The following MAN1A2 variants were observed in gnomAD, a reference collection of about 807,000 sequenced individuals.
MAN1A2 encodes mannosyl-oligosaccharide 1,2-alpha-mannosidase IB.
Under a neutral mutation model 75.7 loss-of-function variants are expected in MAN1A2, and 26 were observed. That is an observed-to-expected ratio of 0.34 (90% CI 0.25 to 0.48). MAN1A2 has a LOEUF of 0.48. Ranked by LOEUF, MAN1A2 falls within the 20% of genes least tolerant of loss-of-function variation. The pLI, the probability that MAN1A2 is intolerant of heterozygous loss-of-function variation, is 0.99. For missense variants in MAN1A2, 562 were observed against 775.5 expected (o/e 0.72, Z 3.27); for synonymous variants, 247 against 264.6 (o/e 0.93, Z 0.65).
chr1:117,482,004 A>G (rs1650513138), intron 8 of MAN1A2, among the ~76,000 whole-genome samples: 1 of 151,870 alleles, frequency 6.6e-6, no homozygotes, highest in Admixed American at 6.6e-5. Flanking sequence ...TGACATCCAA[A>G]TCAGCAATTA....
In MAN1A2 at chr1:117,507,943, A is replaced by G. The variant is rs1307739088; in HGVS notation, c.1793+4973A>G. Reference sequence around the variant, plus strand: ...CTCTTAAGCTGAAAGAATTGCGAGGAAATTAGCAGATAGAACACCAAGACT... The same window carrying G: ...CTCTTAAGCTGAAAGAATTGCGAGGGAATTAGCAGATAGAACACCAAGACT... On this transcript the variant is annotated intron_variant, in intron 12 of 12. Coordinates refer to ENST00000356554, the MANE Select transcript of MAN1A2 (RefSeq NM_006699.5). Among the ~76,000 whole-genome samples, 4 of 151,740 alleles carry G rather than the reference A, an allele frequency of 2.6e-5. No homozygotes were observed. In the East Asian group the frequency reaches 7.7e-4, roughly 29 times the overall value.
intron 12 of MAN1A2, 36 bp downstream of exon 12, chr1:117,503,006 G>A: frequency 4.4e-6 from 5 of 1,147,098 alleles, no homozygotes; most frequent in Non-Finnish European, 5.0e-6. Context: ...TTTTATACTA[G>A]ACTGGTTTTG....
Position 117,474,565 on chromosome 1 carries a change from A to T in MAN1A2, c.1168+8138A>T, listed in dbSNP as rs558414967. 2.7e-3 allele frequency among the ~76,000 whole-genome samples: 414 copies of T among 151,800 alleles called. 3 individuals carry two copies. Among genetic ancestry groups the T allele is most frequent in the African/African-American group, 9.6e-3 (396 of 41,270 alleles). On this transcript the variant is annotated intron_variant, in intron 8 of 12. Transcript: ENST00000356554. ...AATAGTATTTATATAGATTTAAAAAATTTCAGTTTGAGAGTCTCAGTGTTT... is the reference window on the plus strand; with the variant it reads ...AATAGTATTTATATAGATTTAAAAATTTTCAGTTTGAGAGTCTCAGTGTTT...
chr1:117,496,936 A>G lies in MAN1A2; in HGVS notation c.1458A>G (p.Leu486=). ...ATAAAGCTGGTCATTATTTAGAGCT[A>G]GGGGCAGAAATTGCACGTACTTGTC... ...RADKAGHYLE[L]GAEIARTCHE... The change falls in exon 10 of 13, where the codon CTA becomes CTG. Residue 486 remains leucine (L), a synonymous_variant. Coordinates refer to ENST00000356554, the MANE Select transcript of MAN1A2 (RefSeq NM_006699.5). The G allele has an allele frequency of 1.9e-6, 3 of 1,612,524 alleles. No individual in the cohort carries two copies. The highest frequency in any genetic ancestry group is 2.5e-6 in the Non-Finnish European group (3 of 1,179,092).
chr1:117,514,970 AC>A, intron 12 of MAN1A2: 1 of 502,324 alleles, frequency 2.0e-6, no homozygotes, highest in African/African-American at 2.0e-5. Flanking sequence ...ATCAATATGT[AC>A]TTATAAGTAC....
At chr1:117,504,179 AAAT>A (rs1049987885) in intron 12 of MAN1A2, among the ~76,000 whole-genome samples, 3 of 151,450 alleles carry the variant, frequency 2.0e-5, no homozygotes, top group Non-Finnish European at 3.0e-5. Context: ...CTAGACTAGA[AAAT>A]AAAGTGACGG....
rs891263661 is a variant in MAN1A2, at chr1:117,499,014, C to T, written c.1505-368C>T. Among the ~76,000 whole-genome samples, 17 of 151,940 alleles carry T rather than the reference C, an allele frequency of 1.1e-4. No individual in the cohort carries two copies. The East Asian group carries it at 2.3e-3, about 21-fold the overall frequency. The stretch of plus-strand genomic sequence containing the variant: ...CTTGCCTTTAAAAAAAACATCCACA[C>T]AGTGTCATTATCTATATACTTTTAT... On this transcript the variant is annotated intron_variant, in intron 10 of 12. Transcript: ENST00000356554.
intron 3 of MAN1A2, among the ~76,000 whole-genome samples, chr1:117,412,052 A>C (rs1647837820): frequency 6.6e-6 from 1 of 151,838 alleles, no homozygotes; most frequent in Non-Finnish European, 1.5e-5. Flanking sequence ...TACAAATTGA[A>C]TTTTAAGATC....
At chr1:117,431,011 CG>C (rs1236563614) in intron 5 of MAN1A2, among the ~76,000 whole-genome samples, 5 of 130,854 alleles carry the variant, frequency 3.8e-5, no homozygotes, top group South Asian at 2.9e-4. Flanking sequence ...GGCTGGAGAC[CG>C]GCCCGGCCAA....
At chr1:117,376,268 C>G (rs964387523) in intron 1 of MAN1A2, among the ~76,000 whole-genome samples, 3 of 151,858 alleles carry the variant, frequency 2.0e-5, no homozygotes, top group African/African-American at 7.3e-5. Context: ...AAGATGGATG[C>G]TGCGGTCAAG....
intron 5 of MAN1A2, among the ~76,000 whole-genome samples, chr1:117,431,474 T>C (rs1426442681): frequency 1.3e-5 from 2 of 152,052 alleles, no homozygotes; most frequent in African/African-American, 4.8e-5. Context: ...AAATCAAAGA[T>C]GATGTAGAAG....
intron 1 of MAN1A2, among the ~76,000 whole-genome samples, chr1:117,386,285 T>C (rs1157743149): frequency 6.6e-6 from 1 of 152,194 alleles, no homozygotes; most frequent in Non-Finnish European, 1.5e-5. Context: ...CTTTCTAGAC[T>C]CTATCCTTTC....
At chr1:117,460,404 C>G in intron 6 of MAN1A2, 85 bp from the exon 7 acceptor site, 1 of 826,302 alleles carries the variant, frequency 1.2e-6, no homozygotes, top group Non-Finnish European at 1.9e-6. Flanking sequence ...TATAAGAGAT[C>G]TATTTAAAAT....
chr1:117,478,898 C>T (rs748072200), intron 8 of MAN1A2, among the ~76,000 whole-genome samples: 19 of 151,854 alleles, frequency 1.3e-4, no homozygotes, highest in African/African-American at 4.1e-4. Flanking sequence ...AGGTCCTTTG[C>T]ATTTTCTTTC....
At chr1:117,436,195 A>G (rs1648843805) in intron 5 of MAN1A2, among the ~76,000 whole-genome samples, 1 of 152,228 alleles carries the variant, frequency 6.6e-6, no homozygotes, top group Admixed American at 6.5e-5. Context: ...TGCTAGATTA[A>G]AAAGAATACT....
chr1:117,397,327 G>A (rs1181611592), intron 1 of MAN1A2, among the ~76,000 whole-genome samples: 1 of 152,132 alleles, frequency 6.6e-6, no homozygotes, highest in Non-Finnish European at 1.5e-5. Context: ...TTTGACTGCT[G>A]TAACAATAAC....
At chr1:117,441,140 G>A (rs1226032992) in intron 5 of MAN1A2, among the ~76,000 whole-genome samples, 1 of 152,172 alleles carries the variant, frequency 6.6e-6, no homozygotes, top group African/African-American at 2.4e-5. Flanking sequence ...ACATCTTAAT[G>A]AGGGACAGAG....
intron 4 of MAN1A2, among the ~76,000 whole-genome samples, chr1:117,416,253 T>C (rs1332185250): frequency 6.6e-6 from 1 of 152,178 alleles, no homozygotes; most frequent in Non-Finnish European, 1.5e-5. Flanking sequence ...ATTGGCTTTT[T>C]TCTTTATCCA....
intron 8 of MAN1A2, among the ~76,000 whole-genome samples, chr1:117,483,903 C>T (rs1293995481): frequency 1.6e-4 from 24 of 152,020 alleles, no homozygotes; most frequent in East Asian, 1.2e-3. Context: ...TTTTGAGATG[C>T]GTTCCATCAA....
Sources: allele counts gnomAD v4.1 joint callset (sites outside exome capture counted in the v4.1 genomes callset), GRCh38; gene constraint gnomAD v4.1.1; transcripts MANE v1.5; gene names NCBI Gene and HGNC (gene_info 2026-07-23, HGNC 2026-07-21).